The following POMT2 variants were observed in gnomAD, a reference collection of about 807,000 sequenced individuals.
The protein encoded by POMT2 is protein O-mannosyl-transferase 2.
POMT2 carries 75 observed loss-of-function variants against 100.0 expected under a neutral mutation model. The ratio of observed to expected loss-of-function variants is 0.75; its 90% CI spans 0.62 to 0.91. The LOEUF is 0.91. Among genes scored for constraint, POMT2 ranks in the 40% least tolerant of loss-of-function variants. POMT2 has a pLI of 0.00. For missense variants in POMT2, 940 were observed against 955.1 expected, an observed-to-expected ratio of 0.98 and a Z score of 0.21; for synonymous variants, 378 against 374.1, an observed-to-expected ratio of 1.01 and a Z score of -0.12.
Position 77,320,813 on chromosome 14 carries a change from G to C in POMT2, c.-132C>G, listed in dbSNP as rs578086459. ...AACGCCCTTCACTGCAGCGGAGCGC[G>C]GGGCCCCGGGCTCGGGGCGGGGCGG... is the stretch of plus-strand genomic sequence containing the variant. On this transcript the variant is annotated 5_prime_UTR_variant, in exon 1 of 21. Transcript: ENST00000261534. The C allele has an allele frequency of 2.2e-6, 3 of 1,387,538 alleles. No homozygotes were observed. Among genetic ancestry groups the C allele is most frequent in the African/African-American group, 1.5e-5 (1 of 65,136 alleles). The allele number at this position is 1,387,538 out of a possible 1,614,324, so 86.0% of individuals were successfully genotyped here.
intron 14 of POMT2, chr14:77,284,491 G>A (rs961238715): frequency 1.9e-5 from 4 of 212,662 alleles, no homozygotes; most frequent in African/African-American, 4.6e-5. Context: ...AGCTGACAAC[G>A]CAGTGGAAAT....
At chr14:77,294,576 G>C (rs918242550) in intron 9 of POMT2, among the ~76,000 whole-genome samples, 2 of 152,104 alleles carry the variant, frequency 1.3e-5, no homozygotes, top group African/African-American at 4.8e-5. Flanking sequence ...CGCCCACCTC[G>C]GCATAAGCCA....
At chr14:77,311,687 A>C (rs2139517439) in intron 2 of POMT2, among the ~76,000 whole-genome samples, 1 of 152,272 alleles carries the variant, frequency 6.6e-6, no homozygotes, top group African/African-American at 2.4e-5. Flanking sequence ...TTTATGACCA[A>C]ATATTATTCC....
At chr14:77,279,186 G>A (rs1890106653) in intron 18 of POMT2, 3 of 452,154 alleles carry the variant, frequency 6.6e-6, no homozygotes, top group Admixed American at 3.4e-5. Flanking sequence ...CATCTTTGCT[G>A]CCACACAGAT....
At chr14:77,288,064 T>A (rs1328448607) in intron 11 of POMT2, among the ~76,000 whole-genome samples, 1 of 152,226 alleles carries the variant, frequency 6.6e-6, no homozygotes, top group African/African-American at 2.4e-5. Context: ...GATAACTTAA[T>A]AAATTTACCA....
In POMT2 at chr14:77,320,668, G is replaced by A. The variant is rs760413289; in HGVS notation, c.14C>T (p.Thr5Met). MPPA[T>M]GGGLAESELR... ...CTCGGACTCTGCCAGGCCTCCGCCC[G>A]TGGCCGGCGGCATCTTCCCCCTCCT... is the stretch of plus-strand genomic sequence containing the variant. Residue 5 changes from threonine (T) to methionine (M), a missense_variant, in exon 1 of 21, where the codon ACG becomes ATG. Physicochemically the swap from Thr to Met is moderately conservative, Grantham distance 81. Coordinates refer to ENST00000261534, the MANE Select transcript of POMT2 (RefSeq NM_013382.7). 6.3e-7 allele frequency: 1 copy of A among 1,593,342 alleles called. No individual in the cohort carries two copies. The highest frequency in any genetic ancestry group is 8.5e-7 in the Non-Finnish European group (1 of 1,178,078).
At chr14:77,280,576 C>T in intron 15 of POMT2, 113 bp from the exon 16 acceptor site, 1 of 1,561,508 alleles carries the variant, frequency 6.4e-7, no homozygotes, top group Non-Finnish European at 8.7e-7. Context: ...AACCTTCTCT[C>T]CTTCCCTTCC....
intron 2 of POMT2, 35 bp from the exon 3 acceptor site, chr14:77,306,476 C>A (rs199713056): frequency 1.2e-6 from 2 of 1,607,436 alleles, no homozygotes; most frequent in African/African-American, 2.7e-5. Flanking sequence ...AGATGAGAAG[C>A]CTTTGGGAGA....
At chr14:77,319,858 G>T (rs1304037988) in intron 1 of POMT2, among the ~76,000 whole-genome samples, 1 of 152,154 alleles carries the variant, frequency 6.6e-6, no homozygotes, top group Non-Finnish European at 1.5e-5. Flanking sequence ...CTGTTTTCTT[G>T]CCTGCTTTTT....
intron 18 of POMT2, chr14:77,279,386 C>A: frequency 2.6e-6 from 1 of 379,352 alleles, no homozygotes; most frequent in South Asian, 2.1e-5. Context: ...AACTCAATAA[C>A]CCTGGAGGCT....
At chr14:77,281,948 GGA>G (rs1449938761) in intron 15 of POMT2, among the ~76,000 whole-genome samples, 1 of 152,156 alleles carries the variant, frequency 6.6e-6, no homozygotes, top group Non-Finnish European at 1.5e-5. Context: ...CAAGGGGCTG[GGA>G]ATAGTTTACA....
intron 20 of POMT2, 108 bp from the exon 21 acceptor site, chr14:77,277,589 A>G (rs1452228771): frequency 3.3e-6 from 3 of 903,480 alleles, no homozygotes; most frequent in Non-Finnish European, 5.5e-6. Context: ...CCCATCGCCA[A>G]GCCCGGTTCT....
chr14:77,281,461 A>G (rs1348872244), intron 15 of POMT2, among the ~76,000 whole-genome samples: 1 of 152,172 alleles, frequency 6.6e-6, no homozygotes, highest in Non-Finnish European at 1.5e-5. Context: ...ACCCAGACTC[A>G]GCCTCCCTAA....
Position 77,279,834 on chromosome 14 carries a change from G to T in POMT2, c.1880C>A (p.Ala627Glu), listed in dbSNP as rs745680157. 1 of 1,613,390 alleles carries T rather than the reference G, an allele frequency of 6.2e-7. No individual in the cohort carries two copies. Residue 627 changes from alanine (A) to glutamate (E), a missense_variant, in exon 18 of 21, where the codon GCG (alanine) becomes GAG (glutamate). Physicochemically the swap from Ala to Glu is moderately radical, Grantham distance 107. Transcript: ENST00000261534. ...CCAGAGGACCTGACCTGCAACCTCC[G>T]CTGGCAGCCGTGCCCCTCTCTGCAT... Reference protein sequence around the residue: ...VAMQRGARLPAEVAGLSQVLL... With the variant: ...VAMQRGARLPEEVAGLSQVLL...
chr14:77,279,299 A>G (rs2140164121), intron 18 of POMT2: 1 of 367,538 alleles, frequency 2.7e-6, no homozygotes, highest in South Asian at 2.1e-5. Context: ...CAGAGGCAAA[A>G]GGGCCTGTGT....
At chr14:77,280,525 G>C in intron 15 of POMT2, 62 bp from the exon 16 acceptor site, 1 of 1,611,966 alleles carries the variant, frequency 6.2e-7, no homozygotes, top group Non-Finnish European at 8.5e-7. Context: ...ACAGAAATGT[G>C]GGGCCCAGGT....
intron 8 of POMT2, 86 bp downstream of exon 8, chr14:77,298,603 C>A: frequency 6.9e-7 from 1 of 1,446,720 alleles, no homozygotes; most frequent in Non-Finnish European, 9.6e-7. Flanking sequence ...CTAAAATAAC[C>A]CAAAGCCATC....
At position 77,278,247 on chromosome 14, in the gene POMT2, C is replaced by T. The variant is rs60626204; in HGVS notation, c.2147+147G>A. 0.014 allele frequency: 9,662 copies of T among 713,108 alleles called. 504 individuals are homozygous for T. Among genetic ancestry groups the T allele is most frequent in the African/African-American group, 0.13 (7,554 of 57,472 alleles). The allele number at this position is 713,108 out of a possible 1,614,324, so 44.2% of individuals were successfully genotyped here. ...ATCACCTGGGGGACTCTGGAAACCACGGCCCCACCTGGGCTTGGGTGACGC... is the reference window on the plus strand; with the variant it reads ...ATCACCTGGGGGACTCTGGAAACCATGGCCCCACCTGGGCTTGGGTGACGC... On this transcript the variant is annotated intron_variant, in intron 20 of 20. Transcript: ENST00000261534.
intron 1 of POMT2, among the ~76,000 whole-genome samples, chr14:77,318,053 G>A (rs1684610553): frequency 6.6e-6 from 1 of 152,224 alleles, no homozygotes; most frequent in Non-Finnish European, 1.5e-5. Flanking sequence ...TGGAGAAAAG[G>A]TGAAGTTATA....
Sources: gnomAD v4.1 joint callset for allele counts (sites outside exome capture counted in the v4.1 genomes callset) on GRCh38, gnomAD v4.1.1 for gene constraint, MANE v1.5 for transcripts, NCBI Gene and HGNC (gene_info 2026-07-23, HGNC 2026-07-21) for gene names.